GBP7: variants seen among roughly 807,000 people sequenced by gnomAD.
GBP7 encodes the protein guanylate binding protein 7.
GBP7 carries 43 observed loss-of-function variants against 61.3 expected under a neutral mutation model. The observed-to-expected ratio is 0.70, with a 90% CI of 0.55 to 0.91. The LOEUF is 0.91. GBP7 is among the 40% of genes least tolerant of loss of function. The pLI, the probability that GBP7 is intolerant of heterozygous loss-of-function variation, is 0.00. For synonymous variants in GBP7, 267 were observed against 271.0 expected (o/e 0.99, Z 0.14); for missense variants, 717 against 740.5 (o/e 0.97, Z 0.37).
chr1:89,133,810 T>C (rs531920201), intron 9 of GBP7, among the ~76,000 whole-genome samples: 1 of 152,194 alleles, frequency 6.6e-6, no homozygotes, highest in African/African-American at 2.4e-5. Context: ...ACAACTCCCA[T>C]AGATGTTTGA....
At chr1:89,148,854 T>C (rs1230747742) in intron 7 of GBP7, among the ~76,000 whole-genome samples, 2 of 152,336 alleles carry the variant, frequency 1.3e-5, no homozygotes, top group East Asian at 3.9e-4. Flanking sequence ...AAAAAAATTC[T>C]ATATGTATAA....
At chr1:89,141,112 G>T (rs1681934592) in intron 9 of GBP7, among the ~76,000 whole-genome samples, 7 of 151,696 alleles carry the variant, frequency 4.6e-5, no homozygotes, top group Admixed American at 4.6e-4. Context: ...CATTATCTGG[G>T]TGATGAAATA....
rs200922375 is a variant in GBP7 at position 89,150,468 on chromosome 1, GT to G, written c.732del (p.Lys244AsnfsTer38). The G allele has an allele frequency of 6.2e-7, 1 of 1,614,084 alleles. No homozygotes were observed. Among genetic ancestry groups the G allele is most frequent in the Non-Finnish European group, 8.5e-7 (1 of 1,179,980 alleles). On this transcript the variant is annotated frameshift_variant, in exon 6 of 11. Transcript: ENST00000294671. LOFTEE classifies it high-confidence loss of function. The stretch of plus-strand genomic sequence containing the variant: ...CGTACTTCTTCAACATGGAGTAAGA[GT>G]TTTTTGTCATTTATTGGCCGGTCAA... Reference protein sequence around the residue: ...FVFDRPINDKKLLLHVEEVRE... With the variant: ...FVFDRPINDKXLLLHVEEVRE...
Position 89,132,163 on chromosome 1 carries a change from T to C in GBP7, c.1903A>G (p.Lys635Glu). ...CAAAAGAAACCTCAGCTTATAATTT[T>C]CTTACCAGGATTTCTCAGCCTATTA... ...LCNRLRNPGK[K>E]IIS Residue 635 changes from lysine (K) to glutamate (E), a missense_variant, in exon 11 of 11, where the codon AAA (lysine) becomes GAA (glutamate). By Grantham distance (56) the Lys-to-Glu change is moderately conservative (BLOSUM62 1). Coordinates refer to ENST00000294671, the MANE Select transcript of GBP7 (RefSeq NM_207398.3). 1.2e-6 allele frequency: 2 copies of C among 1,604,914 alleles called. No homozygotes were observed. Among genetic ancestry groups the C allele is most frequent in the African/African-American group, 2.7e-5 (2 of 74,356 alleles).
At chr1:89,174,279 G>A (rs559695435) in intron 1 of GBP7, among the ~76,000 whole-genome samples, 4 of 152,120 alleles carry the variant, frequency 2.6e-5, no homozygotes, top group Admixed American at 6.5e-5. Context: ...CTACCAACGG[G>A]ATTGCTTGGT....
chr1:89,141,648 C>T lies in GBP7; in HGVS notation c.1366G>A (p.Ala456Thr). 1 of 1,612,730 alleles carries T rather than the reference C, an allele frequency of 6.2e-7. No individual in the cohort carries two copies. The highest frequency in any genetic ancestry group is 8.5e-7 in the Non-Finnish European group (1 of 1,178,950). Residue 456 changes from alanine (A) to threonine (T), a missense_variant and splice_region_variant, in exon 9 of 11, where the codon GCA (alanine) becomes ACA (threonine). By Grantham distance (58) the Ala-to-Thr change is moderately conservative (BLOSUM62 0). Coordinates refer to ENST00000294671, the MANE Select transcript of GBP7 (RefSeq NM_207398.3). ...YTLVPRKGVK[A>T]DEVLQSFLQS... Reference sequence around the variant, plus strand: ...AGGAAGCTCTGGAGGACCTCGTCTGCCTGAAGAACCAAGAAGGAGCAAAGA... The same window carrying T: ...AGGAAGCTCTGGAGGACCTCGTCTGTCTGAAGAACCAAGAAGGAGCAAAGA...
chr1:89,147,363 C>A (rs1473421883), intron 8 of GBP7, among the ~76,000 whole-genome samples: 3 of 152,166 alleles, frequency 2.0e-5, no homozygotes, highest in Non-Finnish European at 2.9e-5. Context: ...ACTTCTGATT[C>A]TAAATCCTCT....
intron 5 of GBP7, among the ~76,000 whole-genome samples, 199 bp downstream of exon 5, chr1:89,152,069 A>G (rs552809724): frequency 6.6e-6 from 1 of 152,326 alleles, no homozygotes; most frequent in Admixed American, 6.5e-5. Flanking sequence ...AATTTCCTCA[A>G]TGAATTTGAA....
At chr1:89,150,612 G>A (rs1373401176) in intron 5 of GBP7, 37 bp from the exon 6 acceptor site, 1 of 1,598,836 alleles carries the variant, frequency 6.3e-7, no homozygotes. Context: ...CTGAAGAACA[G>A]GTTTTAAGTG....
intron 10 of GBP7, among the ~76,000 whole-genome samples, chr1:89,132,884 A>C (rs1054753967): frequency 3.3e-5 from 5 of 152,222 alleles, no homozygotes; most frequent in African/African-American, 1.2e-4. Flanking sequence ...ATTTCATATC[A>C]AGCCAAATCT....
Position 89,152,289 on chromosome 1 carries a change from T to C in GBP7, c.604A>G (p.Asn202Asp). The C allele has an allele frequency of 6.2e-7, 1 of 1,614,028 alleles. No homozygotes were observed. The highest frequency in any genetic ancestry group is 8.5e-7 in the Non-Finnish European group (1 of 1,179,942). ...ATACCTGAAATCAGCTTCAAGGCAT[T>C]CTCCAGGTACTCATCTTCTGTGATG... is the stretch of plus-strand genomic sequence containing the variant. ...HPITEDEYLE[N>D]ALKLISGKNP... Residue 202 changes from asparagine (N) to aspartate (D), a missense_variant, in exon 5 of 11, where the codon AAT becomes GAT. Asn to Asp is a conservative substitution (Grantham distance 23). Around this residue, in one of 3 missense-constraint regions of GBP7, gnomAD observed 387 missense variants for 385.2 expected, o/e 1.00. Coordinates refer to ENST00000294671, the MANE Select transcript of GBP7 (RefSeq NM_207398.3).
chr1:89,169,384 A>G (rs1647538024), intron 2 of GBP7, among the ~76,000 whole-genome samples: 1 of 152,224 alleles, frequency 6.6e-6, no homozygotes, highest in Admixed American at 6.5e-5. Flanking sequence ...TTGTATAAAT[A>G]ATCAGGCTTT....
chr1:89,147,251 G>C (rs1281024207), intron 8 of GBP7, among the ~76,000 whole-genome samples: 1 of 152,042 alleles, frequency 6.6e-6, no homozygotes, highest in African/African-American at 2.4e-5. Flanking sequence ...AAAATCGTAA[G>C]ATTCTGAAAA....
Position 89,142,001 on chromosome 1 carries a change from C to T in GBP7, c.1366-353G>A, listed in dbSNP as rs370667771. 3.7e-4 allele frequency among the ~76,000 whole-genome samples: 56 copies of T among 152,284 alleles called. 6 individuals carry two copies. The highest frequency in any genetic ancestry group is 9.2e-4 in the Admixed American group (14 of 15,298). On this transcript the variant is annotated intron_variant, in intron 8 of 10. Coordinates refer to ENST00000294671, the MANE Select transcript of GBP7 (RefSeq NM_207398.3). ...CTTTTTTCTTTTGCCTGAAGGCCTG[C>T]CTACCCTTTTCAAATTAGGATAACA... is the stretch of plus-strand genomic sequence containing the variant.
chr1:89,148,621 G>A (rs1451515431), intron 7 of GBP7, among the ~76,000 whole-genome samples: 1 of 152,200 alleles, frequency 6.6e-6, no homozygotes, highest in Non-Finnish European at 1.5e-5. Context: ...AGAAACAAGA[G>A]AAACATTTGA....
At chr1:89,162,880 A>G (rs978170848) in intron 3 of GBP7, among the ~76,000 whole-genome samples, 1 of 152,178 alleles carries the variant, frequency 6.6e-6, no homozygotes, top group Non-Finnish European at 1.5e-5. Flanking sequence ...CCCATTTAGT[A>G]TGATGTTGAC....
At chr1:89,160,160 A>G (rs1218374085) in intron 3 of GBP7, among the ~76,000 whole-genome samples, 1 of 152,200 alleles carries the variant, frequency 6.6e-6, no homozygotes, top group African/African-American at 2.4e-5. Flanking sequence ...GAATTGAACA[A>G]TGAGATCACT....
intron 8 of GBP7, among the ~76,000 whole-genome samples, 175 bp from the exon 9 acceptor site, chr1:89,141,823 T>C (rs762633679): frequency 1.3e-5 from 2 of 152,170 alleles, no homozygotes; most frequent in African/African-American, 4.8e-5. Context: ...AAGCTCTTTG[T>C]TGAGACATGA....
At chr1:89,152,017 TA>T (rs1166479459) in intron 5 of GBP7, among the ~76,000 whole-genome samples, 2 of 152,214 alleles carry the variant, frequency 1.3e-5, no homozygotes, top group African/African-American at 2.4e-5. Flanking sequence ...TTTTTCATGG[TA>T]CTTATTGGTC....
Sources: allele counts gnomAD v4.1 joint callset (sites outside exome capture counted in the v4.1 genomes callset), GRCh38; gene constraint gnomAD v4.1.1; regional missense constraint gnomAD v4.1.1; transcripts MANE v1.5; gene names NCBI Gene and HGNC (gene_info 2026-07-23, HGNC 2026-07-21).